Variants in PLCB1 observed in about 807,000 individuals in gnomAD.
The protein encoded by PLCB1 is phospholipase C beta 1, also known as 1-phosphatidylinositol 4,5-bisphosphate phosphodiesterase beta-1.
PLCB1 carries 46 observed loss-of-function variants against 161.8 expected under a neutral mutation model. The observed-to-expected ratio is 0.28, with a 90% CI of 0.22 to 0.36. The LOEUF is 0.36. Among genes scored for constraint, PLCB1 ranks in the 10% least tolerant of loss-of-function variants. PLCB1 has a pLI of 1.00. For synonymous variants in PLCB1, 517 were observed against 503.7 expected (o/e 1.03, Z -0.35); for missense variants, 1,016 against 1,472.5 (o/e 0.69, Z 5.07).
intron 3 of PLCB1, among the ~76,000 whole-genome samples, chr20:8,614,584 CTGTGTGTGTGTGTGTGTGTGTGTGTGTG>C (rs71331317): frequency 1.4e-5 from 2 of 147,236 alleles, no homozygotes; most frequent in South Asian, 4.4e-4. Context: ...ATGTAAAATT[CTGTGTGTGTGTGTGTGTGTGTGTGTGTG>C]TGTGTGTGTG....
intron 1 of PLCB1, among the ~76,000 whole-genome samples, chr20:8,146,104 TG>T (rs1262018201): frequency 2.6e-4 from 27 of 102,650 alleles, no homozygotes; most frequent in African/African-American, 1.1e-3. Flanking sequence ...TTGTTTTTTT[TG>T]TTTTTTTTTT....
Position 8,883,573 on chromosome 20 carries a change from G to A in PLCB1, c.*1724G>A, listed in dbSNP as rs546143014. On this transcript the variant is annotated 3_prime_UTR_variant, in exon 32 of 32. Transcript: ENST00000338037. ...AAAAACCAATTGTGTCCTGAAAATT[G>A]TTTCAAGAATTTAATATTTTTATGA... 59 of 152,024 alleles carry A rather than the reference G, an allele frequency of 3.9e-4. 1 individual carries two copies. The highest frequency in any genetic ancestry group is 3.4e-3 in the Middle Eastern group (1 of 294). The allele number at this position is 152,024 out of a possible 1,614,324, so 9.4% of individuals were successfully genotyped here. A position where few individuals can be genotyped will look rare whatever the true frequency, so the allele number is the denominator to read the frequency against.
At chr20:8,440,362 T>C (rs1224889659) in intron 3 of PLCB1, among the ~76,000 whole-genome samples, 1 of 152,228 alleles carries the variant, frequency 6.6e-6, no homozygotes, top group African/African-American at 2.4e-5. Context: ...ATTTGGACTT[T>C]AGTCATGTTT....
At chr20:8,334,082 G>A (rs1160719053) in intron 2 of PLCB1, among the ~76,000 whole-genome samples, 1 of 152,118 alleles carries the variant, frequency 6.6e-6, no homozygotes, top group Non-Finnish European at 1.5e-5. Context: ...GGTGGTGCAT[G>A]CCTGTAATCC....
At chr20:8,635,254 GAGGAAAGGAAGGGAA>G (rs927571569) in intron 4 of PLCB1, among the ~76,000 whole-genome samples, 3 of 151,978 alleles carry the variant, frequency 2.0e-5, no homozygotes, top group Admixed American at 6.6e-5. Flanking sequence ...AGGTGTGAGA[GAGGAAAGGAAGGGAA>G]AGGAAAGGAA....
chr20:8,433,696 CCTT>C (rs1313033466), intron 3 of PLCB1, among the ~76,000 whole-genome samples: 1 of 146,530 alleles, frequency 6.8e-6, no homozygotes, highest in Non-Finnish European at 1.5e-5. Context: ...ACGAGTGTAT[CCTT>C]CTCCTCTTCC....
At chr20:8,323,084 G>A (rs932528930) in intron 2 of PLCB1, among the ~76,000 whole-genome samples, 10 of 152,160 alleles carry the variant, frequency 6.6e-5, no homozygotes, top group African/African-American at 2.4e-4. Flanking sequence ...TTGCTTTGGA[G>A]ACACAGTCCC....
chr20:8,270,164 G>T (rs892870670), intron 2 of PLCB1, among the ~76,000 whole-genome samples: 3 of 152,096 alleles, frequency 2.0e-5, no homozygotes, highest in African/African-American at 7.2e-5. Context: ...ATGTTGCATA[G>T]CACTGTGACC....
intron 1 of PLCB1, among the ~76,000 whole-genome samples, chr20:8,142,157 CAG>C (rs1206248695): frequency 4.6e-5 from 7 of 152,118 alleles, no homozygotes; most frequent in Non-Finnish European, 8.8e-5. Context: ...TGCTGATGCT[CAG>C]GGGATATTTG....
At chr20:8,772,266 T>C (rs879626868) in intron 26 of PLCB1, among the ~76,000 whole-genome samples, 1 of 152,138 alleles carries the variant, frequency 6.6e-6, no homozygotes, top group Non-Finnish European at 1.5e-5. Context: ...CCAATTTCTT[T>C]AATATTCATC....
At chr20:8,368,159 G>C (rs1014063029) in intron 2 of PLCB1, among the ~76,000 whole-genome samples, 5 of 152,096 alleles carry the variant, frequency 3.3e-5, no homozygotes, top group African/African-American at 1.2e-4. Flanking sequence ...AATTCAATTT[G>C]GGCTTTGCGT....
intron 31 of PLCB1, among the ~76,000 whole-genome samples, chr20:8,852,524 G>C (rs1346881069): frequency 2.0e-5 from 3 of 152,274 alleles, no homozygotes; most frequent in East Asian, 3.9e-4. Flanking sequence ...TGTGGTCCTG[G>C]GAAATCTGCT....
chr20:8,873,950 C>T (rs1987691947), intron 31 of PLCB1, among the ~76,000 whole-genome samples: 2 of 151,852 alleles, frequency 1.3e-5, no homozygotes, highest in Admixed American at 6.6e-5. Context: ...TTATTGCTGC[C>T]TCTCAAAGGC....
intron 27 of PLCB1, among the ~76,000 whole-genome samples, chr20:8,785,312 G>A (rs1983430799): frequency 6.6e-6 from 1 of 151,934 alleles, no homozygotes; most frequent in Admixed American, 6.6e-5. Context: ...TTCTGACTTA[G>A]TTGATCTGGA....
intron 31 of PLCB1, among the ~76,000 whole-genome samples, chr20:8,849,346 G>T (rs1293815951): frequency 6.6e-6 from 1 of 152,086 alleles, no homozygotes; most frequent in East Asian, 1.9e-4. Context: ...ACTGGCCACT[G>T]GCTCAAGCTC....
In PLCB1 at chr20:8,724,648, A is replaced by G. The variant is rs775526031; in HGVS notation, c.1582-8A>G. ...TGGAAATGTTTTCTTTTTTATTCCT[A>G]CTTCCAGGGGACTGCTGGAAGTGAG... On this transcript the variant is annotated splice_region_variant and splice_polypyrimidine_tract_variant and intron_variant, in intron 15 of 31. Transcript: ENST00000338037. 8.6e-6 allele frequency: 13 copies of G among 1,504,222 alleles called. No individual in the cohort carries two copies. Among genetic ancestry groups the G allele is most frequent in the Non-Finnish European group, 9.2e-6 (10 of 1,084,508 alleles). 93.2% of individuals were successfully genotyped at this position (1,504,222 alleles called of 1,614,324 possible).
chr20:8,197,585 A>C (rs1185651146), intron 2 of PLCB1, among the ~76,000 whole-genome samples: 1 of 152,140 alleles, frequency 6.6e-6, no homozygotes, highest in Non-Finnish European at 1.5e-5. Context: ...GTAGATTGCA[A>C]AAATTTTCTG....
rs6056041 is a variant in PLCB1, at chr20:8,722,220, T to C, written c.1514-134T>C. ...TCTATAACGAATAAAATTTAAATCC[T>C]TGAAAAAAATAATTTTAAACAGCCC... On this transcript the variant is annotated intron_variant, in intron 14 of 31. Transcript: ENST00000338037. 0.9 allele frequency: 528,274 copies of C among 586,386 alleles called. 238,263 individuals are homozygous for C. The highest frequency in any genetic ancestry group is 0.99 in the East Asian group (29,117 of 29,272). 36.3% of individuals were successfully genotyped at this position (586,386 alleles called of 1,614,324 possible).
chr20:8,724,573 A>C, intron 15 of PLCB1, 83 bp from the exon 16 acceptor site: 6 of 830,950 alleles, frequency 7.2e-6, no homozygotes. Flanking sequence ...GCATGCTTGA[A>C]TCATGTTGTC....
Sources: allele counts gnomAD v4.1 joint callset (sites outside exome capture counted in the v4.1 genomes callset), GRCh38; gene constraint gnomAD v4.1.1; transcripts MANE v1.5; gene names NCBI Gene and HGNC (gene_info 2026-07-23, HGNC 2026-07-21).